Variants in NRG4 observed in about 807,000 individuals in gnomAD.
NRG4 encodes the protein neuregulin 4.
Under a neutral mutation model 15.0 loss-of-function variants are expected in NRG4, and 10 were observed. The ratio of observed to expected loss-of-function variants is 0.67; its 90% confidence interval spans 0.41 to 1.13. NRG4 has a LOEUF of 1.13. Ranked by LOEUF, NRG4 falls within the 50% of genes most tolerant of loss-of-function variation. The pLI, the probability that NRG4 is intolerant of heterozygous loss-of-function variation, is 0.00. For missense variants in NRG4, 139 were observed against 140.2 expected (o/e 0.99, Z 0.04); for synonymous variants, 41 against 50.1 (o/e 0.82, Z 0.77).
chr15:76,016,781 A>G (rs1041178086), upstream of NRG4, among the ~76,000 whole-genome samples: 2 of 152,168 alleles, frequency 1.3e-5, no homozygotes, highest in African/African-American at 2.4e-5. Context: ...GATAATTGCA[A>G]TGTGGTGCCG....
At chr15:76,011,987 T>C (rs114405402) in intron 1 of NRG4, 107 of 152,142 alleles carry the variant, frequency 7.0e-4, no homozygotes, top group African/African-American at 2.5e-3. Context: ...AATTCAAACA[T>C]ATATTTGAAG....
chr15:75,971,613 C>T (rs1009280485), intron 3 of NRG4, among the ~76,000 whole-genome samples: 11 of 152,028 alleles, frequency 7.2e-5, no homozygotes, highest in Non-Finnish European at 1.5e-4. Context: ...AGTATAATGT[C>T]TCTTAAATTC....
At chr15:76,041,306 C>A (rs115158438) in intron 4 of NRG4, among the ~76,000 whole-genome samples, 21 of 152,018 alleles carry the variant, frequency 1.4e-4, no homozygotes, top group Admixed American at 9.2e-4. Flanking sequence ...TAAGTCCTTG[C>A]CTATCAATAA....
At chr15:76,047,610 GCC>G (rs2035902898) in intron 4 of NRG4, among the ~76,000 whole-genome samples, 2 of 150,408 alleles carry the variant, frequency 1.3e-5, no homozygotes, top group African/African-American at 5.0e-5. Flanking sequence ...GTTACCAAAG[GCC>G]ATTAAGGATA....
At chr15:76,032,871 A>T (rs1285908370) in intron 5 of NRG4, among the ~76,000 whole-genome samples, 2 of 152,240 alleles carry the variant, frequency 1.3e-5, no homozygotes, top group African/African-American at 4.8e-5. Flanking sequence ...CAGTTAGAGT[A>T]AAATATCACT....
chr15:76,016,227 TC>T (rs1327147667), upstream of NRG4, among the ~76,000 whole-genome samples: 1 of 152,172 alleles, frequency 6.6e-6, no homozygotes, highest in African/African-American at 2.4e-5. Context: ...TCTATTTGAT[TC>T]TTTCTTTTCT....
intron 3 of NRG4, among the ~76,000 whole-genome samples, chr15:76,003,719 A>G (rs1388769867): frequency 1.3e-5 from 2 of 152,220 alleles, no homozygotes; most frequent in Non-Finnish European, 2.9e-5. Context: ...GGGATCCTCA[A>G]TGAGATTATC....
downstream of NRG4, chr15:75,939,165 T>A (rs1471378679): frequency 1.3e-5 from 2 of 152,054 alleles, no homozygotes; most frequent in African/African-American, 2.4e-5. Flanking sequence ...AAACTACAAG[T>A]TCTTTAAAAG....
At chr15:75,940,742 T>G (rs2030869129), downstream of NRG4, 1 of 150,582 alleles carries the variant, frequency 6.6e-6, no homozygotes. Flanking sequence ...CAAGGATAGT[T>G]TTTTCAACAA....
intron 3 of NRG4, among the ~76,000 whole-genome samples, chr15:75,984,291 G>T (rs2033712550): frequency 6.6e-6 from 1 of 152,232 alleles, no homozygotes; most frequent in South Asian, 2.1e-4. Context: ...TGTCACGGCA[G>T]GGGGTATATA....
intron 4 of NRG4, among the ~76,000 whole-genome samples, chr15:76,038,031 A>G (rs918616520): frequency 1.4e-4 from 22 of 152,256 alleles, no homozygotes; most frequent in African/African-American, 5.3e-4. Flanking sequence ...TGATTCCTTG[A>G]AGGGAAGGAC....
intron 5 of NRG4, among the ~76,000 whole-genome samples, chr15:75,948,305 CTTTATTTATTTATTTATTTA>C (rs142980207): frequency 4.2e-4 from 61 of 144,428 alleles, no homozygotes; most frequent in Non-Finnish European, 8.0e-4. Context: ...CTTTGATCCA[CTTTATTTATTTATTTATTTA>C]TTTATTTATT....
intron 1 of NRG4, 183 bp downstream of exon 1, chr15:76,012,136 A>C (rs1224658228): frequency 6.6e-6 from 1 of 152,070 alleles, no homozygotes; most frequent in African/African-American, 2.4e-5. Context: ...CTTCTCTCAA[A>C]GCCAACAGCT....
chr15:75,956,003 T>C lies in NRG4; in HGVS notation c.260A>G (p.His87Arg). The change falls in exon 5 of 6, where the codon CAC becomes CGC. Residue 87 changes from histidine to arginine, a missense_variant. Physicochemically the swap from His to Arg is conservative, Grantham distance 29 (BLOSUM62 0). Coordinates refer to ENST00000394907, the MANE Select transcript of NRG4 (RefSeq NM_138573.4). The stretch of plus-strand genomic sequence containing the variant: ...CTGGACTGAACTGGCTCTCTGAAAG[T>C]GGCCTTTCCTGACAATAAAGAGGAG... The part of the protein sequence containing the change: ...GAFYFLCRKG[H>R]FQRASSVQYD... 1 of 1,604,982 alleles carries C rather than the reference T, an allele frequency of 6.2e-7. No homozygotes were observed. Among genetic ancestry groups the C allele is most frequent in the Non-Finnish European group, 8.5e-7 (1 of 1,171,808 alleles).
intron 3 of NRG4, among the ~76,000 whole-genome samples, chr15:75,980,139 A>G (rs2033547153): frequency 1.3e-5 from 2 of 152,212 alleles, no homozygotes; most frequent in Non-Finnish European, 2.9e-5. Context: ...AAAAAGGTCT[A>G]CAAACTAGAA....
intron 4 of NRG4, among the ~76,000 whole-genome samples, chr15:76,037,939 A>G (rs2035633971): frequency 7.4e-6 from 1 of 135,350 alleles, no homozygotes; most frequent in Non-Finnish European, 1.6e-5. Flanking sequence ...TAGACACAAT[A>G]CTAGACAGAA....
intron 5 of NRG4, among the ~76,000 whole-genome samples, chr15:76,023,870 G>A (rs370850202): frequency 4.6e-5 from 7 of 152,158 alleles, no homozygotes; most frequent in East Asian, 1.9e-4. Flanking sequence ...GGGTGAACCC[G>A]CTGCTGAGCC....
intron 3 of NRG4, among the ~76,000 whole-genome samples, chr15:75,996,774 A>G (rs1245112797): frequency 6.6e-6 from 1 of 152,194 alleles, no homozygotes; most frequent in Non-Finnish European, 1.5e-5. Context: ...GTGTCAGAAT[A>G]TGAAAATAAA....
At chr15:75,944,768 T>TGTGG (rs1555428878) in intron 5 of NRG4, among the ~76,000 whole-genome samples, 6 of 115,130 alleles carry the variant, frequency 5.2e-5, no homozygotes, top group African/African-American at 1.8e-4. Context: ...TGTGTGTGTG[T>TGTGG]GGGGGGGTGG....
Sources: allele counts gnomAD v4.1 joint callset (sites outside exome capture counted in the v4.1 genomes callset), GRCh38; gene constraint gnomAD v4.1.1; transcripts MANE v1.5; gene names NCBI Gene and HGNC (gene_info 2026-07-23, HGNC 2026-07-21).